Variants in TASP1 observed in about 807,000 individuals in gnomAD.
TASP1 encodes threonine aspartase 1.
TASP1 carries 16 observed loss-of-function variants against 56.6 expected under a neutral mutation model. The ratio of observed to expected loss-of-function variants is 0.28; its 90% CI spans 0.19 to 0.43. The LOEUF (loss-of-function observed/expected upper bound fraction) is 0.43. Ranked by LOEUF, TASP1 falls within the 20% of genes least tolerant of loss-of-function variation. The probability of loss-of-function intolerance (pLI) is 1.00; values close to 1 mark genes in which losing one functional copy is unlikely to be tolerated. For missense variants in TASP1, 393 were observed against 511.6 expected, an observed-to-expected ratio of 0.77 and a Z score of 2.24; for synonymous variants, 179 against 184.2, an observed-to-expected ratio of 0.97 and a Z score of 0.23.
the TASP1 span, among the ~76,000 whole-genome samples, chr20:13,148,819 A>G: frequency 6.6e-6 from 1 of 152,222 alleles, no homozygotes; most frequent in African/African-American, 2.4e-5. Context: ...CAAGCTCTCC[A>G]GATGACTGTG....
chr20:13,271,557 T>C, the TASP1 span, among the ~76,000 whole-genome samples: 1 of 152,246 alleles, frequency 6.6e-6, no homozygotes, highest in East Asian at 1.9e-4. Flanking sequence ...CTCAGGAAGT[T>C]ACTGTTTGGT....
chr20:13,295,570 C>A, the TASP1 span, among the ~76,000 whole-genome samples: 4 of 152,168 alleles, frequency 2.6e-5, no homozygotes, highest in African/African-American at 7.2e-5. Context: ...CCATTAGACA[C>A]CTCCAAGACC....
chr20:13,279,785 A>G, the TASP1 span: 1 of 1,614,018 alleles, frequency 6.2e-7, no homozygotes, highest in Non-Finnish European at 8.5e-7. Flanking sequence ...GGGGACCAGG[A>G]CTACAAGTAC....
chr20:13,628,822 G>C lies in TASP1; in HGVS notation c.145+1112C>G, dbSNP rs139428093. Among the ~76,000 whole-genome samples, 363 of 152,212 alleles carry C rather than the reference G, an allele frequency of 2.4e-3. 5 individuals carry two copies. The highest frequency in any genetic ancestry group is 8.1e-3 in the African/African-American group (337 of 41,534). On this transcript the variant is annotated intron_variant, in intron 2 of 13. Transcript: ENST00000337743. ...AAAAAGAGCCTGCTGAGGAAACCTG[G>C]GCAGAGCAGCACTGTTCTGCAACCC...
rs554241930 is a variant in TASP1, at chr20:13,566,663, G to A, written c.568+2844C>T. 8.5e-5 allele frequency among the ~76,000 whole-genome samples: 13 copies of A among 152,146 alleles called. No homozygotes were observed. The East Asian group carries it at 1.7e-3, about 20-fold the overall frequency. ...AATGTAAAATATATTAGTGGCTATC[G>A]GGGTTAAGGTGGGAAAGAAGATAAC... On this transcript the variant is annotated intron_variant, in intron 7 of 13. Transcript: ENST00000337743.
the TASP1 span, chr20:13,126,446 C>T: frequency 9.9e-6 from 9 of 906,200 alleles, no homozygotes; most frequent in African/African-American, 6.8e-5. Flanking sequence ...TTGATGAAAA[C>T]CATTGAAAGT....
chr20:13,452,337 C>T (rs2043651800), intron 11 of TASP1, among the ~76,000 whole-genome samples: 1 of 151,330 alleles, frequency 6.6e-6, no homozygotes, highest in South Asian at 2.1e-4. Context: ...CTATTCCATT[C>T]TTAGTGAACT....
At chr20:13,359,188 C>A in the TASP1 span, among the ~76,000 whole-genome samples, 2 of 143,086 alleles carry the variant, frequency 1.4e-5, no homozygotes, top group African/African-American at 2.8e-5. Flanking sequence ...ACACCTGAAC[C>A]GCAGTGGCCA....
the TASP1 span, among the ~76,000 whole-genome samples, chr20:13,260,904 C>A: frequency 6.6e-6 from 1 of 152,158 alleles, no homozygotes; most frequent in Admixed American, 6.5e-5. Context: ...GCTGGATGGT[C>A]TAGGACAGTC....
At chr20:13,190,758 C>T in the TASP1 span, among the ~76,000 whole-genome samples, 9 of 152,110 alleles carry the variant, frequency 5.9e-5, no homozygotes, top group African/African-American at 2.2e-4. Context: ...TAAAAAACTT[C>T]CGCATGGCAA....
At chr20:13,185,290 C>G in the TASP1 span, among the ~76,000 whole-genome samples, 1 of 152,086 alleles carries the variant, frequency 6.6e-6, no homozygotes, top group Non-Finnish European at 1.5e-5. Context: ...AAGCACTTCA[C>G]AATGATCACT....
chr20:13,323,475 A>G, the TASP1 span, among the ~76,000 whole-genome samples: 2 of 152,198 alleles, frequency 1.3e-5, no homozygotes, highest in Admixed American at 1.3e-4. Context: ...TCCTTTCCCA[A>G]TGTAACTTAT....
At chr20:13,109,465 C>T in the TASP1 span, among the ~76,000 whole-genome samples, 1 of 152,220 alleles carries the variant, frequency 6.6e-6, no homozygotes, top group Non-Finnish European at 1.5e-5. Flanking sequence ...GCTACTAGTA[C>T]TTCCTCCAGA....
chr20:13,605,257 G>A (rs910371846), intron 4 of TASP1, among the ~76,000 whole-genome samples: 2 of 151,858 alleles, frequency 1.3e-5, no homozygotes, highest in Admixed American at 6.6e-5. Context: ...TTGTACTGGT[G>A]GTTACACAAT....
At chr20:13,486,203 T>C (rs916579150) in intron 10 of TASP1, among the ~76,000 whole-genome samples, 1 of 152,150 alleles carries the variant, frequency 6.6e-6, no homozygotes, top group Admixed American at 6.6e-5. Flanking sequence ...TGAAGTGTGA[T>C]TCAAAGGCAA....
At chr20:13,625,463 C>A (rs776426858) in intron 2 of TASP1, among the ~76,000 whole-genome samples, 1 of 152,166 alleles carries the variant, frequency 6.6e-6, no homozygotes, top group Non-Finnish European at 1.5e-5. Context: ...CTGCCAAAAG[C>A]CCTAAAAATA....
intron 10 of TASP1, among the ~76,000 whole-genome samples, chr20:13,528,219 CAAAAAA>C (rs397942980): frequency 0.013 from 721 of 54,322 alleles, 6 homozygotes; most frequent in African/African-American, 0.045. Context: ...GACTCTGACT[CAAAAAA>C]AAAAAAAAAA....
At chr20:13,457,485 A>ATT (rs2043887589) in intron 11 of TASP1, among the ~76,000 whole-genome samples, 1 of 152,244 alleles carries the variant, frequency 6.6e-6, no homozygotes, top group Non-Finnish European at 1.5e-5. Context: ...ACTTTATTGT[A>ATT]GTATACTTAA....
At chr20:13,314,320 C>T in the TASP1 span, among the ~76,000 whole-genome samples, 1 of 151,634 alleles carries the variant, frequency 6.6e-6, no homozygotes. Flanking sequence ...ACCCCTACAC[C>T]TAGGCATATG....
Sources: allele counts gnomAD v4.1 joint callset (sites outside exome capture counted in the v4.1 genomes callset), GRCh38; gene constraint gnomAD v4.1.1; transcripts MANE v1.5; gene names NCBI Gene and HGNC (gene_info 2026-07-23, HGNC 2026-07-21).